RYR3: variants seen among roughly 807,000 people sequenced by gnomAD.
RYR3 encodes brain ryanodine receptor-calcium release channel.
RYR3 carries 207 observed loss-of-function variants against 584.3 expected under a neutral mutation model. That is an observed-to-expected ratio of 0.35 (90% CI 0.32 to 0.40). RYR3 has a LOEUF of 0.40. RYR3 is among the 10% of genes least tolerant of loss of function. The probability of loss-of-function intolerance (pLI) is 1.00; values close to 1 mark genes in which losing one functional copy is unlikely to be tolerated. For synonymous variants in RYR3, 2,416 were observed against 2,248.5 expected, an observed-to-expected ratio of 1.07 and a Z score of -2.11; for missense variants, 5,616 against 6,089.2, an observed-to-expected ratio of 0.92 and a Z score of 2.59.
At chr15:33,509,375 C>T (rs2052763929) in intron 3 of RYR3, among the ~76,000 whole-genome samples, 1 of 152,154 alleles carries the variant, frequency 6.6e-6, no homozygotes, top group South Asian at 2.1e-4. Context: ...AGGGGAACCA[C>T]CACCATCCAG....
Position 33,826,656 on chromosome 15 carries a change from G to T in RYR3, c.11165-16G>T, listed in dbSNP as rs748113452. 11 of 1,606,928 alleles carry T rather than the reference G, an allele frequency of 6.8e-6. No individual in the cohort carries two copies. The highest frequency in any genetic ancestry group is 4.0e-5 in the African/African-American group (3 of 74,760). On this transcript the variant is annotated splice_polypyrimidine_tract_variant and intron_variant, in intron 83 of 103. Transcript: ENST00000634891. Reference sequence around the variant, plus strand: ...AGAAGCCAAACCAATGCTCATCAACGTTCTGTGTTTTCAAGGTGAAAAAGT... The same window carrying T: ...AGAAGCCAAACCAATGCTCATCAACTTTCTGTGTTTTCAAGGTGAAAAAGT...
intron 1 of RYR3, among the ~76,000 whole-genome samples, chr15:33,336,914 C>T (rs753352723): frequency 5.9e-5 from 9 of 151,436 alleles, no homozygotes; most frequent in Non-Finnish European, 7.4e-5. Flanking sequence ...AAAAATTAGC[C>T]GGGCGTGGTG....
At chr15:33,771,031 A>G (rs1214544939) in intron 62 of RYR3, among the ~76,000 whole-genome samples, 1 of 152,192 alleles carries the variant, frequency 6.6e-6, no homozygotes, top group African/African-American at 2.4e-5. Flanking sequence ...TGTAGATCAC[A>G]TTTCAATGTT....
intron 3 of RYR3, among the ~76,000 whole-genome samples, chr15:33,522,109 A>C (rs1021942252): frequency 2.0e-5 from 3 of 149,016 alleles, no homozygotes; most frequent in African/African-American, 7.3e-5. Context: ...AAAAAAAAAA[A>C]AAAACTAGCC....
intron 16 of RYR3, among the ~76,000 whole-genome samples, chr15:33,590,315 G>A (rs1234790380): frequency 6.6e-6 from 1 of 152,132 alleles, no homozygotes; most frequent in African/African-American, 2.4e-5. Flanking sequence ...CTTAGCTTGG[G>A]CTCAGAGGCC....
intron 1 of RYR3, among the ~76,000 whole-genome samples, chr15:33,407,251 T>A (rs1294840415): frequency 6.6e-6 from 1 of 152,174 alleles, no homozygotes; most frequent in Non-Finnish European, 1.5e-5. Flanking sequence ...AGTGTCAACA[T>A]GAATTTGGAG....
At chr15:33,644,025 TG>T (rs2061968981) in intron 27 of RYR3, among the ~76,000 whole-genome samples, 1 of 152,230 alleles carries the variant, frequency 6.6e-6, no homozygotes, top group African/African-American at 2.4e-5. Flanking sequence ...CCTTTCCAGT[TG>T]ATATTTATTT....
chr15:33,435,963 T>C (rs1162322200), intron 1 of RYR3, among the ~76,000 whole-genome samples: 1 of 152,230 alleles, frequency 6.6e-6, no homozygotes. Context: ...TACAGAGTTC[T>C]GATTCGTCAA....
In RYR3 at chr15:33,726,079, A is replaced by G. The variant is rs190209743; in HGVS notation, c.6913-307A>G. Among the ~76,000 whole-genome samples, 438 of 151,242 alleles carry G rather than the reference A, an allele frequency of 2.9e-3. 2 individuals are homozygous for G. The highest frequency in any genetic ancestry group is 8.9e-3 in the African/African-American group (368 of 41,190). ...TGAGCACTTCCGGCAGTGCAGTCAC[A>G]TTGAGAAGCCACCAGCAGGCCGTGT... On this transcript the variant is annotated intron_variant, in intron 45 of 103. Coordinates refer to ENST00000634891, the MANE Select transcript of RYR3 (RefSeq NM_001036.6).
intron 16 of RYR3, among the ~76,000 whole-genome samples, chr15:33,587,124 G>A (rs186776181): frequency 6.6e-6 from 1 of 152,276 alleles, no homozygotes. Context: ...GAAAGCCATG[G>A]TCCTTAGCAT....
chr15:33,848,506 G>T, intron 94 of RYR3, 85 bp downstream of exon 94: 4 of 1,454,348 alleles, frequency 2.8e-6, no homozygotes, highest in East Asian at 2.3e-5. Context: ...CCTTAAAACT[G>T]GTTAATATAA....
At chr15:33,814,277 G>C (rs932784988) in intron 74 of RYR3, among the ~76,000 whole-genome samples, 3 of 152,232 alleles carry the variant, frequency 2.0e-5, no homozygotes, top group Non-Finnish European at 2.9e-5. Flanking sequence ...CCTGTCCTCA[G>C]ACTTATTGCA....
At chr15:33,821,450 C>A (rs1323920178) in intron 79 of RYR3, 73 bp from the exon 80 acceptor site, 53 of 1,591,494 alleles carry the variant, frequency 3.3e-5, no homozygotes, top group Non-Finnish European at 4.6e-5. Flanking sequence ...TATTAAAGAG[C>A]CCTGCTAAGG....
At chr15:33,684,128 G>A (rs2064826732) in intron 38 of RYR3, among the ~76,000 whole-genome samples, 1 of 152,262 alleles carries the variant, frequency 6.6e-6, no homozygotes, top group Admixed American at 6.5e-5. Context: ...TCCGAAGAGA[G>A]CAGTGGTTCT....
intron 3 of RYR3, among the ~76,000 whole-genome samples, chr15:33,517,313 C>T (rs1203651204): frequency 6.6e-6 from 1 of 152,174 alleles, no homozygotes; most frequent in Non-Finnish European, 1.5e-5. Flanking sequence ...TTTAAATAAC[C>T]TTTCTGATTT....
chr15:33,539,198 G>T, intron 5 of RYR3, 152 bp from the exon 6 acceptor site: 1 of 576,076 alleles, frequency 1.7e-6, no homozygotes, highest in Non-Finnish European at 3.2e-6. Flanking sequence ...GGGGCTGTCT[G>T]GAACGGTTAG....
Position 33,554,291 on chromosome 15 carries a change from C to CT in RYR3, c.972+3996dup, listed in dbSNP as rs71117147. ...TCCATTTCATTCTAACCTCCATTATCTTTTTTTTTTTTTTTTTTTTTGAGG... is the reference window on the plus strand; with the variant it reads ...TCCATTTCATTCTAACCTCCATTATCTTTTTTTTTTTTTTTTTTTTTTGAGG... On this transcript the variant is annotated intron_variant, in intron 10 of 103. Coordinates refer to ENST00000634891, the MANE Select transcript of RYR3 (RefSeq NM_001036.6). Among the ~76,000 whole-genome samples the CT allele has an allele frequency of 7.5e-3, 951 of 126,462 alleles. 20 individuals are homozygous for CT. The highest frequency in any genetic ancestry group is 0.044 in the East Asian group (193 of 4,414). The allele number at this position is 126,462 out of a possible 152,430, so 83.0% of individuals were successfully genotyped here.
intron 84 of RYR3, 34 bp from the exon 85 acceptor site, chr15:33,827,165 G>A (rs1202386337): frequency 1.3e-6 from 2 of 1,537,520 alleles, no homozygotes; most frequent in Admixed American, 3.9e-5. Context: ...CGGCATGGCA[G>A]GGACAAGCTC....
chr15:33,347,628 C>T (rs1004156496), intron 1 of RYR3, among the ~76,000 whole-genome samples: 1 of 151,762 alleles, frequency 6.6e-6, no homozygotes, highest in African/African-American at 2.4e-5. Context: ...TTGTATTTTT[C>T]AGTAGAGACG....
Sources: gnomAD v4.1 joint callset for allele counts (sites outside exome capture counted in the v4.1 genomes callset) on GRCh38, gnomAD v4.1.1 for gene constraint, MANE v1.5 for transcripts, NCBI Gene and HGNC (gene_info 2026-07-23, HGNC 2026-07-21) for gene names.